CADPS2: variants seen among roughly 807,000 people sequenced by gnomAD.
The protein encoded by CADPS2 is calcium-dependent secretion activator 2.
CADPS2 carries 93 observed loss-of-function variants against 172.5 expected under a neutral mutation model. That is an observed-to-expected ratio of 0.54 (90% CI 0.46 to 0.64). The LOEUF (loss-of-function observed/expected upper bound fraction) is 0.64. Among genes scored for constraint, CADPS2 ranks in the 30% least tolerant of loss-of-function variants. CADPS2 has a pLI of 0.00. For missense variants in CADPS2, 1,420 were observed against 1,565.9 expected (o/e 0.91, Z 1.57); for synonymous variants, 546 against 555.2 (o/e 0.98, Z 0.23).
chr7:122,599,805 A>T (rs183369956), intron 6 of CADPS2, among the ~76,000 whole-genome samples: 1 of 152,204 alleles, frequency 6.6e-6, no homozygotes, highest in African/African-American at 2.4e-5. Flanking sequence ...TACATATAGG[A>T]TACAGTATAT....
chr7:122,387,491 C>T (rs746504989), intron 23 of CADPS2, among the ~76,000 whole-genome samples: 2 of 152,016 alleles, frequency 1.3e-5, no homozygotes, highest in Non-Finnish European at 2.9e-5. Flanking sequence ...ACTTAATTGT[C>T]TGAATTAATT....
chr7:122,363,676 A>G (rs1188820893), intron 25 of CADPS2, among the ~76,000 whole-genome samples: 1 of 152,094 alleles, frequency 6.6e-6, no homozygotes, highest in African/African-American at 2.4e-5. Context: ...CCACCTTACA[A>G]GAATGGTCTG....
At chr7:122,443,703 C>T (rs1236792003) in intron 15 of CADPS2, among the ~76,000 whole-genome samples, 13 of 34,004 alleles carry the variant, frequency 3.8e-4, no homozygotes, top group Admixed American at 9.4e-4. Context: ...CCAGTTTCTG[C>T]TTTCTACAAA....
chr7:122,653,765 C>G (rs969064096), intron 3 of CADPS2, among the ~76,000 whole-genome samples: 8 of 152,030 alleles, frequency 5.3e-5, no homozygotes, highest in African/African-American at 1.9e-4. Context: ...ATCTGTGATC[C>G]GTGATCTTTG....
At chr7:122,663,013 GATTA>G (rs2080779894) in intron 3 of CADPS2, among the ~76,000 whole-genome samples, 2 of 152,272 alleles carry the variant, frequency 1.3e-5, no homozygotes, top group Admixed American at 6.5e-5. Flanking sequence ...ACATGGGGAT[GATTA>G]CTTACTGGAT....
At chr7:122,785,354 T>C (rs1336033647) in intron 1 of CADPS2, among the ~76,000 whole-genome samples, 1 of 152,188 alleles carries the variant, frequency 6.6e-6, no homozygotes, top group African/African-American at 2.4e-5. Context: ...GTCTGATTGT[T>C]AGTTCTCTAA....
intron 2 of CADPS2, among the ~76,000 whole-genome samples, chr7:122,715,003 T>C (rs1476452950): frequency 1.3e-5 from 2 of 152,122 alleles, no homozygotes; most frequent in Admixed American, 6.6e-5. Flanking sequence ...CTAGAGCTTC[T>C]AGAGGGAGTA....
chr7:122,401,760 G>A (rs1255715070), intron 20 of CADPS2, among the ~76,000 whole-genome samples: 1 of 152,128 alleles, frequency 6.6e-6, no homozygotes, highest in East Asian at 1.9e-4. Flanking sequence ...GGTAGAGAGC[G>A]AAGTGAGAGC....
intron 3 of CADPS2, among the ~76,000 whole-genome samples, chr7:122,645,278 CACACATATGTACATATAT>C (rs1464130550): frequency 3.6e-5 from 5 of 138,308 alleles, no homozygotes; most frequent in African/African-American, 7.9e-5. Context: ...TACATATATA[CACACATATGTACATATAT>C]ACACATATGT....
intron 9 of CADPS2, among the ~76,000 whole-genome samples, chr7:122,500,819 C>T (rs553134432): frequency 6.6e-6 from 1 of 151,952 alleles, no homozygotes; most frequent in South Asian, 2.1e-4. Context: ...ATGTAAGTGG[C>T]AAGATATTTT....
At chr7:122,799,434 C>A (rs1391220895) in intron 1 of CADPS2, among the ~76,000 whole-genome samples, 3 of 151,814 alleles carry the variant, frequency 2.0e-5, no homozygotes, top group African/African-American at 4.8e-5. Context: ...CCCGTCTCTA[C>A]TAAAAATACA....
intron 2 of CADPS2, among the ~76,000 whole-genome samples, chr7:122,724,402 GTAT>G (rs1246505923): frequency 1.3e-5 from 2 of 151,886 alleles, no homozygotes; most frequent in African/African-American, 4.8e-5. Context: ...ATAAGCCATG[GTAT>G]CCTGCTCTGA....
At chr7:122,428,751 G>A (rs1051475987) in intron 17 of CADPS2, among the ~76,000 whole-genome samples, 2 of 152,114 alleles carry the variant, frequency 1.3e-5, no homozygotes, top group African/African-American at 4.8e-5. Flanking sequence ...TTACAGGCAT[G>A]AGCCACTGTA....
chr7:122,467,802 A>G (rs555172086), intron 14 of CADPS2, among the ~76,000 whole-genome samples: 1 of 152,294 alleles, frequency 6.6e-6, no homozygotes, highest in African/African-American at 2.4e-5. Context: ...ACTTTGCCCT[A>G]TGAAGCATTG....
intron 1 of CADPS2, among the ~76,000 whole-genome samples, chr7:122,838,795 A>G (rs1417197241): frequency 6.6e-6 from 1 of 152,236 alleles, no homozygotes; most frequent in African/African-American, 2.4e-5. Context: ...AAACAAATGG[A>G]AGAAAATTCC....
At chr7:122,504,086 C>G (rs1468011526) in intron 9 of CADPS2, among the ~76,000 whole-genome samples, 1 of 152,094 alleles carries the variant, frequency 6.6e-6, no homozygotes, top group Non-Finnish European at 1.5e-5. Flanking sequence ...TTCATTTTCT[C>G]CCCTCAATTA....
chr7:122,512,453 G>C (rs939130929), intron 9 of CADPS2, among the ~76,000 whole-genome samples: 3 of 151,968 alleles, frequency 2.0e-5, no homozygotes, highest in African/African-American at 7.2e-5. Context: ...TACTTAGAAG[G>C]GTATTCTTTA....
intron 1 of CADPS2, among the ~76,000 whole-genome samples, chr7:122,835,308 G>A (rs1204729669): frequency 6.6e-6 from 1 of 152,048 alleles, no homozygotes; most frequent in South Asian, 2.1e-4. Context: ...AAAGACCAAA[G>A]GTAGATAAAA....
chr7:122,615,461 A>G (rs2074797208), intron 5 of CADPS2, among the ~76,000 whole-genome samples, 162 bp from the exon 6 acceptor site: 1 of 152,180 alleles, frequency 6.6e-6, no homozygotes, highest in Non-Finnish European at 1.5e-5. Context: ...ATCCACCTCT[A>G]TTCATAGAAG....
Sources: gnomAD v4.1 joint callset for allele counts (sites outside exome capture counted in the v4.1 genomes callset) on GRCh38, gnomAD v4.1.1 for gene constraint, MANE v1.5 for transcripts, NCBI Gene and HGNC (gene_info 2026-07-23, HGNC 2026-07-21) for gene names.